The following LAPTM4B variants were observed in gnomAD, a reference collection of about 807,000 sequenced individuals.
The protein encoded by LAPTM4B is lysosomal-associated transmembrane protein 4B.
A neutral mutation model predicts 28.5 loss-of-function variants in LAPTM4B; 26 were observed. The ratio of observed to expected loss-of-function variants is 0.91; its 90% CI spans 0.67 to 1.27. The LOEUF (loss-of-function observed/expected upper bound fraction) is 1.27, where lower values mean the gene tolerates loss of function less well. Ranked by LOEUF, LAPTM4B falls within the 50% of genes most tolerant of loss-of-function variation. The pLI is 0.00. For synonymous variants in LAPTM4B, 109 were observed against 106.4 expected (o/e 1.02, Z -0.15); for missense variants, 288 against 285.8 (o/e 1.01, Z -0.06).
At chr8:97,850,884 C>T (rs544461188) in intron 6 of LAPTM4B, among the ~76,000 whole-genome samples, 1 of 150,574 alleles carries the variant, frequency 6.6e-6, no homozygotes, top group Admixed American at 6.6e-5. Flanking sequence ...GTGTATAGAC[C>T]GCCAACTCTG....
chr8:97,807,387 G>C (rs1436953179), intron 2 of LAPTM4B, among the ~76,000 whole-genome samples: 1 of 152,152 alleles, frequency 6.6e-6, no homozygotes, highest in East Asian at 1.9e-4. Flanking sequence ...CCTGGTCAAC[G>C]TGGCAAAACA....
chr8:97,835,901 G>A lies in LAPTM4B; in HGVS notation c.603+10748G>A, dbSNP rs1378934945. On this transcript the variant is annotated intron_variant, in intron 6 of 6. Transcript: ENST00000521545. ...GTGAGCAGCGGGCGCGGGCAAGCAA[G>A]CATTACAACCTGAGCACCACTTACA... Among the ~76,000 whole-genome samples, 5 of 152,242 alleles carry A rather than the reference G, an allele frequency of 3.3e-5. 1 individual carries two copies. The highest frequency in any genetic ancestry group is 2.1e-4 in the South Asian group (1 of 4,822).
At chr8:97,846,071 T>C (rs537946841) in intron 6 of LAPTM4B, among the ~76,000 whole-genome samples, 39 of 151,204 alleles carry the variant, frequency 2.6e-4, no homozygotes, top group African/African-American at 9.0e-4. Flanking sequence ...TCCACACTGT[T>C]CTGGAACTCC....
At chr8:97,823,388 T>TTTTTTG (rs1817041450) in intron 5 of LAPTM4B, among the ~76,000 whole-genome samples, 1 of 117,264 alleles carries the variant, frequency 8.5e-6, no homozygotes, top group Non-Finnish European at 1.9e-5. Context: ...TGTTGTTGTT[T>TTTTTTG]TTTTGAGACG....
At chr8:97,792,920 T>C (rs1448559877) in intron 1 of LAPTM4B, among the ~76,000 whole-genome samples, 1 of 152,230 alleles carries the variant, frequency 6.6e-6, no homozygotes, top group East Asian at 1.9e-4. Context: ...TAAAATTGTT[T>C]GTGCTATAAT....
At chr8:97,797,428 C>T (rs569554471) in intron 1 of LAPTM4B, among the ~76,000 whole-genome samples, 22 of 152,188 alleles carry the variant, frequency 1.4e-4, no homozygotes, top group African/African-American at 3.1e-4. Flanking sequence ...CCACCGCGCC[C>T]GGCTGGAATT....
intron 6 of LAPTM4B, 46 bp downstream of exon 6, chr8:97,825,199 C>T (rs1817074787): frequency 1.0e-6 from 1 of 977,478 alleles, no homozygotes; most frequent in South Asian, 1.3e-5. Context: ...CACACCTTTA[C>T]TGTATGCTGA....
chr8:97,805,204 C>G (rs4735496), intron 1 of LAPTM4B, 149 bp from the exon 2 acceptor site: 273,059 of 580,070 alleles, frequency 0.47, 65,602 homozygotes, highest in East Asian at 0.56. Context: ...CTGCTCCCTC[C>G]ATGGGTGGGG....
intron 1 of LAPTM4B, among the ~76,000 whole-genome samples, chr8:97,781,456 C>G (rs1475505879): frequency 6.8e-6 from 1 of 148,070 alleles, no homozygotes; most frequent in Admixed American, 6.8e-5. Context: ...TTTTGTTTTC[C>G]TAGTAGAGAC....
At chr8:97,848,467 A>G (rs1392749793) in intron 6 of LAPTM4B, among the ~76,000 whole-genome samples, 2 of 151,564 alleles carry the variant, frequency 1.3e-5, no homozygotes, top group African/African-American at 2.4e-5. Context: ...TTTGATTTGA[A>G]TATTGTGTTT....
intron 1 of LAPTM4B, among the ~76,000 whole-genome samples, chr8:97,791,019 C>T (rs1022047791): frequency 2.0e-5 from 3 of 152,166 alleles, no homozygotes; most frequent in African/African-American, 2.4e-5. Flanking sequence ...GTTTTCCCAC[C>T]TCAGCCTCCC....
intron 6 of LAPTM4B, among the ~76,000 whole-genome samples, chr8:97,833,525 A>G (rs2449550): frequency 0.47 from 71,479 of 152,006 alleles, 17,075 homozygotes; most frequent in East Asian, 0.57. Context: ...TTTATTTGAA[A>G]CAGGATATAT....
intron 1 of LAPTM4B, among the ~76,000 whole-genome samples, chr8:97,784,060 G>C (rs1328418227): frequency 6.6e-6 from 1 of 152,062 alleles, no homozygotes; most frequent in Non-Finnish European, 1.5e-5. Flanking sequence ...ATTTGTCTGA[G>C]TACAGGATAG....
intron 1 of LAPTM4B, among the ~76,000 whole-genome samples, chr8:97,782,681 C>T (rs1299449622): frequency 6.6e-6 from 1 of 151,076 alleles, no homozygotes; most frequent in Non-Finnish European, 1.5e-5. Flanking sequence ...CCTGATCCAC[C>T]TGCTTCGGCC....
At chr8:97,807,688 A>T (rs182135441) in intron 2 of LAPTM4B, among the ~76,000 whole-genome samples, 5 of 152,136 alleles carry the variant, frequency 3.3e-5, no homozygotes, top group Admixed American at 2.6e-4. Flanking sequence ...AAGAGTAAAA[A>T]GAAAAGGCAA....
intron 1 of LAPTM4B, among the ~76,000 whole-genome samples, chr8:97,800,756 A>G (rs1276555918): frequency 6.6e-6 from 1 of 151,840 alleles, no homozygotes; most frequent in Non-Finnish European, 1.5e-5. Context: ...TTGGCCTCCC[A>G]AAGTGCTAGG....
intron 1 of LAPTM4B, among the ~76,000 whole-genome samples, chr8:97,781,685 C>G (rs1366016468): frequency 2.6e-5 from 4 of 152,184 alleles, no homozygotes; most frequent in African/African-American, 9.7e-5. Context: ...TGTGCTGTTT[C>G]CCAGTTAATC....
At chr8:97,811,733 C>T (rs1816831084) in intron 2 of LAPTM4B, among the ~76,000 whole-genome samples, 1 of 152,144 alleles carries the variant, frequency 6.6e-6, no homozygotes, top group African/African-American at 2.4e-5. Context: ...TCCTGACAGC[C>T]TTGAGGAAAT....
chr8:97,820,696 T>C (rs545633020), intron 5 of LAPTM4B, among the ~76,000 whole-genome samples: 28 of 152,074 alleles, frequency 1.8e-4, no homozygotes, highest in Admixed American at 1.8e-3. Flanking sequence ...AGCAGCACTG[T>C]ACTTCAGCCT....
Sources: gnomAD v4.1 joint callset for allele counts (sites outside exome capture counted in the v4.1 genomes callset) on GRCh38, gnomAD v4.1.1 for gene constraint, MANE v1.5 for transcripts, NCBI Gene and HGNC (gene_info 2026-07-23, HGNC 2026-07-21) for gene names.